FBXL7: variants seen among roughly 807,000 people sequenced by gnomAD.
The protein encoded by FBXL7 is F-box and leucine rich repeat protein 7.
FBXL7 carries 12 observed loss-of-function variants against 38.3 expected under a neutral mutation model. That is an observed-to-expected ratio of 0.31 (90% confidence interval 0.20 to 0.51). The LOEUF is 0.51. FBXL7 is among the 20% of genes least tolerant of loss of function. FBXL7 has a pLI of 0.98. For missense variants in FBXL7, 567 were observed against 676.4 expected, an observed-to-expected ratio of 0.84 and a Z score of 1.79; for synonymous variants, 297 against 300.9, an observed-to-expected ratio of 0.99 and a Z score of 0.13.
intron 3 of FBXL7, among the ~76,000 whole-genome samples, chr5:15,929,673 C>A (rs541904300): frequency 1.3e-5 from 2 of 151,598 alleles, no homozygotes; most frequent in African/African-American, 4.8e-5. Flanking sequence ...CCCAGCATGG[C>A]TGCTTTGCTT....
At chr5:15,833,182 T>C (rs1362807748) in intron 2 of FBXL7, among the ~76,000 whole-genome samples, 2 of 152,166 alleles carry the variant, frequency 1.3e-5, no homozygotes, top group South Asian at 2.1e-4. Flanking sequence ...AATACACTTA[T>C]AAACAACAGA....
chr5:15,764,189 G>T (rs1379343046), intron 2 of FBXL7, among the ~76,000 whole-genome samples: 1 of 152,172 alleles, frequency 6.6e-6, no homozygotes, highest in Non-Finnish European at 1.5e-5. Context: ...TCAATATGTT[G>T]TTGGAAAGTG....
At chr5:15,808,523 C>T (rs1294138131) in intron 2 of FBXL7, among the ~76,000 whole-genome samples, 2 of 152,250 alleles carry the variant, frequency 1.3e-5, no homozygotes, top group East Asian at 3.9e-4. Flanking sequence ...CACTGTGTAT[C>T]CTGATAACAA....
chr5:15,518,363 C>T (rs1363949718), intron 1 of FBXL7, among the ~76,000 whole-genome samples: 2 of 152,178 alleles, frequency 1.3e-5, no homozygotes, highest in Non-Finnish European at 2.9e-5. Context: ...TTCTACCTGC[C>T]ACTTATTTTT....
At chr5:15,740,335 G>A (rs1735862234) in intron 2 of FBXL7, among the ~76,000 whole-genome samples, 1 of 152,138 alleles carries the variant, frequency 6.6e-6, no homozygotes, top group Non-Finnish European at 1.5e-5. Context: ...AGTTATGGAT[G>A]GTGGGGTCTG....
chr5:15,828,105 C>T (rs1738362733), intron 2 of FBXL7, among the ~76,000 whole-genome samples: 1 of 152,216 alleles, frequency 6.6e-6, no homozygotes, highest in Non-Finnish European at 1.5e-5. Context: ...TTTGATTCCT[C>T]TGTGCTTCCA....
chr5:15,500,660 G>C lies in FBXL7; in HGVS notation c.-17G>C, dbSNP rs1456513283. 1.9e-6 allele frequency: 3 copies of C among 1,613,254 alleles called. No homozygotes were observed. The African/African-American group carries it at 4.0e-5, about 22-fold the overall frequency. ...CTATGGAGTGTCCCGGGAGACGGCG[G>C]GCATGACGGCTACAGGATGGGCGCG... On this transcript the variant is annotated 5_prime_UTR_variant, in exon 1 of 4. Transcript: ENST00000504595.
intron 2 of FBXL7, among the ~76,000 whole-genome samples, chr5:15,724,432 G>A (rs867828293): frequency 9.2e-5 from 14 of 152,030 alleles, no homozygotes; most frequent in African/African-American, 2.9e-4. Context: ...TGTAACCACC[G>A]CCACCACAAT....
At chr5:15,774,631 G>A (rs1030241615) in intron 2 of FBXL7, among the ~76,000 whole-genome samples, 3 of 152,048 alleles carry the variant, frequency 2.0e-5, no homozygotes, top group Non-Finnish European at 2.9e-5. Flanking sequence ...TTTTGCTAAG[G>A]GTGTGCCACT....
chr5:15,555,003 C>A (rs1216945624), intron 1 of FBXL7, among the ~76,000 whole-genome samples: 1 of 152,146 alleles, frequency 6.6e-6, no homozygotes, highest in Admixed American at 6.5e-5. Flanking sequence ...TTAAATATGA[C>A]TCAAAGCAAT....
chr5:15,825,007 C>T (rs1261987039), intron 2 of FBXL7, among the ~76,000 whole-genome samples: 5 of 152,050 alleles, frequency 3.3e-5, no homozygotes, highest in South Asian at 2.1e-4. Context: ...TTTTTATTTT[C>T]GTAAATCAAA....
At chr5:15,800,650 A>C (rs2126740687) in intron 2 of FBXL7, among the ~76,000 whole-genome samples, 1 of 152,344 alleles carries the variant, frequency 6.6e-6, no homozygotes, top group African/African-American at 2.4e-5. Context: ...CAATAAGGTG[A>C]AACATATCAC....
At chr5:15,714,315 G>C (rs1251518441) in intron 2 of FBXL7, among the ~76,000 whole-genome samples, 1 of 152,150 alleles carries the variant, frequency 6.6e-6, no homozygotes, top group Non-Finnish European at 1.5e-5. Flanking sequence ...GGCCATGTAA[G>C]ATGTGCCTGC....
At chr5:15,886,028 A>C (rs1365545085) in intron 2 of FBXL7, among the ~76,000 whole-genome samples, 3 of 152,082 alleles carry the variant, frequency 2.0e-5, no homozygotes, top group African/African-American at 7.2e-5. Flanking sequence ...GCCTAGTCAC[A>C]TTTTTAAAAA....
At chr5:15,570,846 A>G (rs1358914341) in intron 1 of FBXL7, among the ~76,000 whole-genome samples, 1 of 152,150 alleles carries the variant, frequency 6.6e-6, no homozygotes, top group African/African-American at 2.4e-5. Flanking sequence ...TAATCCCAGC[A>G]CTTTGGGAGG....
chr5:15,576,484 A>T (rs552643728), intron 1 of FBXL7, among the ~76,000 whole-genome samples: 2 of 152,156 alleles, frequency 1.3e-5, no homozygotes, highest in Non-Finnish European at 2.9e-5. Context: ...ATCTGAAAAA[A>T]GTTTTGTAGT....
chr5:15,565,515 A>G (rs1314208600), intron 1 of FBXL7, among the ~76,000 whole-genome samples: 2 of 150,196 alleles, frequency 1.3e-5, no homozygotes, highest in East Asian at 3.9e-4. Context: ...ATAATCCTCT[A>G]TATATTTATT....
chr5:15,738,417 G>A (rs932146703), intron 2 of FBXL7, among the ~76,000 whole-genome samples: 15 of 152,220 alleles, frequency 9.9e-5, no homozygotes, highest in African/African-American at 3.4e-4. Flanking sequence ...TGGTTTCCCA[G>A]AGGTTGTGAT....
rs1023668720 is a variant in FBXL7 at position 15,500,424 on chromosome 5, G to A, written c.-253G>A. The A allele has an allele frequency of 9.2e-6, 4 of 432,766 alleles. No individual in the cohort carries two copies. Among genetic ancestry groups the A allele is most frequent in the Admixed American group, 4.8e-5 (1 of 20,724 alleles). 26.8% of individuals were successfully genotyped at this position (432,766 alleles called of 1,614,324 possible). A position where few individuals can be genotyped will look rare whatever the true frequency, so the allele number is the denominator to read the frequency against. On this transcript the variant is annotated 5_prime_UTR_variant, in exon 1 of 4. Coordinates refer to ENST00000504595, the MANE Select transcript of FBXL7 (RefSeq NM_012304.5). ...GGCTGTGCGCGGCGCTGCGCCCGCC[G>A]GCCCCCAGCGCGGATTGTAAGTGCT...
Sources: allele counts gnomAD v4.1 joint callset (sites outside exome capture counted in the v4.1 genomes callset), GRCh38; gene constraint gnomAD v4.1.1; transcripts MANE v1.5; gene names NCBI Gene and HGNC (gene_info 2026-07-23, HGNC 2026-07-21).